Variants in ATRN observed in about 807,000 individuals in gnomAD.
ATRN encodes the protein attractin, also known as attractin-2.
ATRN carries 54 observed loss-of-function variants against 178.7 expected under a neutral mutation model. The observed-to-expected ratio is 0.30, with a 90% CI of 0.24 to 0.38. The LOEUF (loss-of-function observed/expected upper bound fraction) is 0.38. Among genes scored for constraint, ATRN ranks in the 10% least tolerant of loss-of-function variants. ATRN has a pLI of 1.00. For missense variants in ATRN, 1,443 were observed against 1,815.1 expected (o/e 0.79, Z 3.73); for synonymous variants, 636 against 663.0 (o/e 0.96, Z 0.63).
intron 15 of ATRN, among the ~76,000 whole-genome samples, chr20:3,579,240 C>G (rs2086250373): frequency 6.6e-6 from 1 of 152,120 alleles, no homozygotes; most frequent in South Asian, 2.1e-4. Flanking sequence ...AATCCCAGCA[C>G]TTTGGGAGGC....
At chr20:3,545,180 T>A (rs576111202) in intron 3 of ATRN, among the ~76,000 whole-genome samples, 49 of 152,054 alleles carry the variant, frequency 3.2e-4, no homozygotes, top group African/African-American at 1.2e-3. Context: ...CAGCCTGGCC[T>A]ACATGATGAA....
At position 3,650,849 on chromosome 20, in the gene ATRN, T is replaced by G. The variant is rs761853882; in HGVS notation, c.*4002T>G. On this transcript the variant is annotated 3_prime_UTR_variant, in exon 29 of 29. Coordinates refer to ENST00000262919, the MANE Select transcript of ATRN (RefSeq NM_139321.3). The stretch of plus-strand genomic sequence containing the variant: ...TGGATTCAAGCTTAGTTTGTTAATA[T>G]GTATAATTTAGCATCTATTACACTC... 6.6e-6 allele frequency: 1 copy of G among 152,668 alleles called. No homozygotes were observed. The highest frequency in any genetic ancestry group is 1.5e-5 in the Non-Finnish European group (1 of 68,048). 9.5% of individuals were successfully genotyped at this position (152,668 alleles called of 1,614,324 possible). A position where few individuals can be genotyped will look rare whatever the true frequency, so the allele number is the denominator to read the frequency against.
chr20:3,530,506 C>T (rs554944771), intron 1 of ATRN, among the ~76,000 whole-genome samples: 10 of 150,546 alleles, frequency 6.6e-5, no homozygotes, highest in Admixed American at 2.0e-4. Flanking sequence ...GTCTCAAACT[C>T]CCGACCTCGT....
chr20:3,566,760 A>G (rs1411647003), intron 11 of ATRN, among the ~76,000 whole-genome samples: 1 of 152,132 alleles, frequency 6.6e-6, no homozygotes, highest in Non-Finnish European at 1.5e-5. Context: ...CAAAACAATT[A>G]GCCAGGTGTG....
At chr20:3,641,452 A>G (rs2087066916) in intron 27 of ATRN, among the ~76,000 whole-genome samples, 1 of 151,956 alleles carries the variant, frequency 6.6e-6, no homozygotes, top group African/African-American at 2.4e-5. Context: ...TTAGCCAGGC[A>G]TGATGGCACA....
intron 1 of ATRN, among the ~76,000 whole-genome samples, chr20:3,514,147 C>T (rs372930996): frequency 1.3e-5 from 2 of 152,166 alleles, no homozygotes; most frequent in East Asian, 1.9e-4. Context: ...ATTCAGCCAT[C>T]TTGGAACCAC....
intron 1 of ATRN, among the ~76,000 whole-genome samples, chr20:3,529,828 G>C (rs1291605213): frequency 6.6e-6 from 1 of 152,100 alleles, no homozygotes; most frequent in Non-Finnish European, 1.5e-5. Flanking sequence ...AGATTTGGTT[G>C]GAAGGAATCA....
At chr20:3,525,336 A>G (rs2085349159) in intron 1 of ATRN, among the ~76,000 whole-genome samples, 1 of 152,198 alleles carries the variant, frequency 6.6e-6, no homozygotes, top group Non-Finnish European at 1.5e-5. Flanking sequence ...ACACCCTCCC[A>G]AGACTAAACG....
At chr20:3,520,529 C>T (rs557346478) in intron 1 of ATRN, among the ~76,000 whole-genome samples, 5 of 152,250 alleles carry the variant, frequency 3.3e-5, no homozygotes, top group African/African-American at 9.6e-5. Flanking sequence ...GAATCTTGCT[C>T]TGTCACCCAG....
intron 25 of ATRN, among the ~76,000 whole-genome samples, chr20:3,631,329 G>GCACCCCAAAA (rs2086988263): frequency 6.6e-6 from 1 of 152,112 alleles, no homozygotes; most frequent in Admixed American, 6.6e-5. Context: ...CTGAAGAATG[G>GCACCCCAAAA]CTCATATAAT....
rs2087142640 is a variant in ATRN at position 3,650,960 on chromosome 20, T to G, written c.*4113T>G. The G allele has an allele frequency of 6.6e-6, 1 of 152,642 alleles. No individual in the cohort carries two copies. Among genetic ancestry groups the G allele is most frequent in the Non-Finnish European group, 1.5e-5 (1 of 68,040 alleles). 9.5% of individuals were successfully genotyped at this position (152,642 alleles called of 1,614,324 possible). A position where few individuals can be genotyped will look rare whatever the true frequency, so the allele number is the denominator to read the frequency against. On this transcript the variant is annotated 3_prime_UTR_variant, in exon 29 of 29. Coordinates refer to ENST00000262919, the MANE Select transcript of ATRN (RefSeq NM_139321.3). Reference sequence around the variant, plus strand: ...TACATTTAGGACTGCAATTTTTTGGTATTTTTTGTATTGTAAAATAACAGC... The same window carrying G: ...TACATTTAGGACTGCAATTTTTTGGGATTTTTTGTATTGTAAAATAACAGC...
intron 27 of ATRN, among the ~76,000 whole-genome samples, chr20:3,643,448 T>C (rs1339888626): frequency 2.0e-5 from 3 of 151,882 alleles, no homozygotes; most frequent in African/African-American, 7.3e-5. Flanking sequence ...GGAGGATCGC[T>C]TGAGCCCAGG....
At chr20:3,629,360 C>T in intron 25 of ATRN, 1 of 939,904 alleles carries the variant, frequency 1.1e-6, no homozygotes, top group Non-Finnish European at 1.3e-6. Context: ...GCTACCAGGA[C>T]CATCTCCTAT....
intron 25 of ATRN, 58 bp downstream of exon 25, chr20:3,624,630 A>G (rs1246630168): frequency 4.6e-6 from 6 of 1,296,730 alleles, no homozygotes; most frequent in Non-Finnish European, 4.4e-6. Flanking sequence ...AGATCCATTA[A>G]TAGAGTATCA....
intron 18 of ATRN, among the ~76,000 whole-genome samples, 180 bp from the exon 19 acceptor site, chr20:3,590,989 C>G (rs570439853): frequency 5.9e-5 from 9 of 152,234 alleles, no homozygotes; most frequent in African/African-American, 1.9e-4. Flanking sequence ...TTCAATTTTC[C>G]TGGACTAGCT....
intron 1 of ATRN, among the ~76,000 whole-genome samples, chr20:3,487,530 A>G (rs935282378): frequency 5.3e-5 from 8 of 152,120 alleles, no homozygotes; most frequent in African/African-American, 1.9e-4. Context: ...GGATTGTTCT[A>G]GTAACTGAAC....
chr20:3,597,836 T>A, intron 21 of ATRN, 70 bp from the exon 22 acceptor site: 3 of 927,414 alleles, frequency 3.2e-6, no homozygotes, highest in Non-Finnish European at 5.1e-6. Flanking sequence ...AAAAGCAGCC[T>A]GTATCTCTAA....
intron 25 of ATRN, among the ~76,000 whole-genome samples, chr20:3,630,204 G>T (rs1490027012): frequency 6.6e-6 from 1 of 152,136 alleles, no homozygotes; most frequent in Admixed American, 6.5e-5. Context: ...AAGCTAAATT[G>T]TCTCCCCTTG....
intron 17 of ATRN, among the ~76,000 whole-genome samples, 182 bp from the exon 18 acceptor site, chr20:3,584,465 G>A (rs2086327866): frequency 2.0e-5 from 3 of 152,200 alleles, no homozygotes; most frequent in Middle Eastern, 6.8e-3. Flanking sequence ...AGGAGGGAAG[G>A]GTCATCTCTG....
Sources: gnomAD v4.1 joint callset for allele counts (sites outside exome capture counted in the v4.1 genomes callset) on GRCh38, gnomAD v4.1.1 for gene constraint, MANE v1.5 for transcripts, NCBI Gene and HGNC (gene_info 2026-07-23, HGNC 2026-07-21) for gene names.